VRK3: variants seen among roughly 807,000 people sequenced by gnomAD.
The protein encoded by VRK3 is VRK serine/threonine kinase 3.
A neutral mutation model predicts 60.4 loss-of-function variants in VRK3; 50 were observed. The ratio of observed to expected loss-of-function variants is 0.83; its 90% CI spans 0.66 to 1.05. The LOEUF is 1.05. Among genes scored for constraint, VRK3 ranks in the 50% least tolerant of loss-of-function variants. VRK3 has a pLI of 0.00. For synonymous variants in VRK3, 246 were observed against 227.8 expected (o/e 1.08, Z -0.72); for missense variants, 549 against 585.3 (o/e 0.94, Z 0.64).
At chr19:49,988,609 C>G (rs1365389895) in intron 11 of VRK3, 117 bp from the exon 12 acceptor site, 3 of 1,382,146 alleles carry the variant, frequency 2.2e-6, no homozygotes, top group African/African-American at 1.5e-5. Context: ...ATACACCCAG[C>G]CTTCCAGCCA....
intron 5 of VRK3, 45 bp from the exon 6 acceptor site, chr19:50,000,899 G>C: frequency 6.3e-7 from 1 of 1,577,106 alleles, no homozygotes; most frequent in Non-Finnish European, 8.7e-7. Context: ...CCACGCGGAA[G>C]GTCAGGGTCA....
intron 5 of VRK3, among the ~76,000 whole-genome samples, chr19:50,002,891 C>A (rs977194261): frequency 6.6e-6 from 1 of 152,194 alleles, no homozygotes; most frequent in South Asian, 2.1e-4. Context: ...GTGAGCACCT[C>A]CCCTTCCCAA....
At chr19:49,989,323 G>A (rs1428958384) in intron 11 of VRK3, among the ~76,000 whole-genome samples, 2 of 152,132 alleles carry the variant, frequency 1.3e-5, no homozygotes, top group African/African-American at 4.8e-5. Flanking sequence ...AGATGTGGTG[G>A]CCAACCACCT....
Position 50,017,225 on chromosome 19 carries a change from A to C in VRK3, c.-1-1062T>G, listed in dbSNP as rs1307750585. 2.0e-5 allele frequency among the ~76,000 whole-genome samples: 3 copies of C among 151,968 alleles called. 1 individual carries two copies. Among genetic ancestry groups the C allele is most frequent in the Non-Finnish European group, 1.5e-5 (1 of 67,972 alleles). ...AAACAAAACAAACAGCAGCAACAAA[A>C]AAAGGCCATTTATTTGTTCTTATAG... On this transcript the variant is annotated intron_variant, in intron 2 of 14. Transcript: ENST00000316763.
At chr19:49,992,751 G>T in intron 10 of VRK3, 109 bp downstream of exon 10, 2 of 973,276 alleles carry the variant, frequency 2.1e-6, no homozygotes, top group Admixed American at 2.1e-5. Flanking sequence ...ATATATGATG[G>T]ACAGCAATCC....
In VRK3 at chr19:50,016,178, G is replaced by T; in HGVS notation, c.-1-15C>A. On this transcript the variant is annotated splice_polypyrimidine_tract_variant and intron_variant, in intron 2 of 14. Coordinates refer to ENST00000316763, the MANE Select transcript of VRK3 (RefSeq NM_016440.4). ...AGGAGATCATGCTACAAAACAGAATGAACAAACACAAAGTGAAACGGGCCA... is the reference window on the plus strand; with the variant it reads ...AGGAGATCATGCTACAAAACAGAATTAACAAACACAAAGTGAAACGGGCCA... 6.2e-7 allele frequency: 1 copy of T among 1,613,582 alleles called. No individual in the cohort carries two copies. The highest frequency in any genetic ancestry group is 1.1e-5 in the South Asian group (1 of 91,070).
intron 9 of VRK3, among the ~76,000 whole-genome samples, chr19:49,993,949 C>T (rs964899464): frequency 6.6e-5 from 10 of 152,100 alleles, no homozygotes; most frequent in Admixed American, 1.3e-4. Context: ...GAGCTGACCC[C>T]GCCCTCCCCT....
chr19:49,990,376 T>C (rs895996360), intron 10 of VRK3, among the ~76,000 whole-genome samples: 1 of 152,208 alleles, frequency 6.6e-6, no homozygotes, highest in East Asian at 1.9e-4. Flanking sequence ...AACCAAATCT[T>C]CTTTCAAAAA....
At chr19:49,980,802 C>T (rs1228278118) in intron 13 of VRK3, among the ~76,000 whole-genome samples, 153 bp downstream of exon 13, 2 of 151,892 alleles carry the variant, frequency 1.3e-5, no homozygotes, top group Non-Finnish European at 2.9e-5. Context: ...AATCTTTTGA[C>T]GATTTTGTCT....
intron 13 of VRK3, among the ~76,000 whole-genome samples, chr19:49,979,774 T>C (rs1321050883): frequency 6.6e-6 from 1 of 152,030 alleles, no homozygotes; most frequent in Non-Finnish European, 1.5e-5. Context: ...CCGGGCGCGG[T>C]GGCTCACGCC....
intron 3 of VRK3, among the ~76,000 whole-genome samples, chr19:50,011,067 A>G (rs1304700003): frequency 6.6e-6 from 1 of 152,238 alleles, no homozygotes; most frequent in Non-Finnish European, 1.5e-5. Context: ...CCCACTGAGG[A>G]GCCCCAGATT....
intron 5 of VRK3, among the ~76,000 whole-genome samples, chr19:50,002,506 T>A (rs1356731058): frequency 6.6e-6 from 1 of 152,114 alleles, no homozygotes; most frequent in East Asian, 1.9e-4. Flanking sequence ...TGCCTGTCTC[T>A]CAGAGGCACC....
At chr19:50,019,627 A>C (rs954349599) in intron 2 of VRK3, among the ~76,000 whole-genome samples, 2 of 128,808 alleles carry the variant, frequency 1.6e-5, no homozygotes, top group Non-Finnish European at 3.2e-5. Context: ...CTCTCACCTC[A>C]GTCTCCCAAG....
intron 13 of VRK3, among the ~76,000 whole-genome samples, chr19:49,979,879 TA>T (rs572405271): frequency 1.3e-3 from 189 of 141,682 alleles, no homozygotes; most frequent in Middle Eastern, 3.5e-3. Context: ...CCATCTCTAC[TA>T]AAAAAAAAAA....
chr19:49,981,279 G>A lies in VRK3; in HGVS notation c.1218-266C>T, dbSNP rs377226102. On this transcript the variant is annotated intron_variant, in intron 12 of 14. Coordinates refer to ENST00000316763, the MANE Select transcript of VRK3 (RefSeq NM_016440.4). ...CACCTTGTTTTGGCCGGGCACAGTG[G>A]CTCACGCCTGTAATCCCAACACTTT... 378 of 477,066 alleles carry A rather than the reference G, an allele frequency of 7.9e-4. 2 individuals carry two copies. The highest frequency in any genetic ancestry group is 6.7e-3 in the African/African-American group (341 of 50,662). The allele number at this position is 477,066 out of a possible 1,614,324, so 29.6% of individuals were successfully genotyped here.
intron 5 of VRK3, among the ~76,000 whole-genome samples, chr19:50,004,155 A>G (rs1438086544): frequency 6.6e-6 from 1 of 152,166 alleles, no homozygotes; most frequent in African/African-American, 2.4e-5. Context: ...CCAAAACCAC[A>G]TTGGCCCAGA....
chr19:50,002,874 C>T (rs181828076), intron 5 of VRK3, among the ~76,000 whole-genome samples: 1 of 152,338 alleles, frequency 6.6e-6, no homozygotes, highest in East Asian at 1.9e-4. Context: ...GCGTGGCATG[C>T]AGGCAGGTGA....
intron 6 of VRK3, chr19:50,000,474 T>C (rs1311727939): frequency 1.2e-5 from 5 of 405,432 alleles, no homozygotes; most frequent in South Asian, 7.7e-5. Context: ...AGGGGGCAGA[T>C]GGGCCACACC....
At chr19:50,006,597 G>A (rs1032090031) in intron 5 of VRK3, among the ~76,000 whole-genome samples, 3 of 151,986 alleles carry the variant, frequency 2.0e-5, no homozygotes, top group Admixed American at 6.6e-5. Flanking sequence ...GGATGGTCTC[G>A]ATCTCCTGAC....
Sources: gnomAD v4.1 joint callset for allele counts (sites outside exome capture counted in the v4.1 genomes callset) on GRCh38, gnomAD v4.1.1 for gene constraint, MANE v1.5 for transcripts, NCBI Gene and HGNC (gene_info 2026-07-23, HGNC 2026-07-21) for gene names.